CLDN14: variants seen among roughly 807,000 people sequenced by gnomAD.
CLDN14 encodes claudin 14.
A neutral mutation model predicts 2.1 loss-of-function variants in CLDN14; 2 were observed. The ratio of observed to expected loss-of-function variants is 0.96; its 90% CI spans 0.39 to 3.01. The LOEUF (loss-of-function observed/expected upper bound fraction) is 3.01. CLDN14 is among the 30% of genes most tolerant of loss of function. The probability of loss-of-function intolerance (pLI) is 0.09; values close to 1 mark genes in which losing one functional copy is unlikely to be tolerated. For missense variants in CLDN14, 298 were observed against 328.0 expected (o/e 0.91, Z 0.71); for synonymous variants, 136 against 154.4 (o/e 0.88, Z 0.88).
At chr21:36,474,995 G>A (rs2086758561) in intron 1 of CLDN14, among the ~76,000 whole-genome samples, 1 of 152,200 alleles carries the variant, frequency 6.6e-6, no homozygotes, top group South Asian at 2.1e-4. Flanking sequence ...AGGAGGTGCG[G>A]GAGGCTTGAG....
At chr21:36,506,268 T>C (rs2087131731) in intron 2 of CLDN14, among the ~76,000 whole-genome samples, 1 of 152,230 alleles carries the variant, frequency 6.6e-6, no homozygotes, top group Non-Finnish European at 1.5e-5. Flanking sequence ...CAAGTTGAAG[T>C]GCAGTGTGTA....
In CLDN14 at chr21:36,544,532, T is replaced by C. The variant is rs1246311606; in HGVS notation, c.-220+31879A>G. Among the ~76,000 whole-genome samples the C allele has an allele frequency of 6.6e-6, 1 of 152,216 alleles. No individual in the cohort carries two copies. The highest frequency in any genetic ancestry group is 1.5e-5 in the Non-Finnish European group (1 of 68,030). ...TAGGAAGGAGAGGCAAATTTGAGGC[T>C]GGGGAGAATTTGAATTTTCCTGTGC... On this transcript the variant is annotated intron_variant, in intron 1 of 2. Coordinates refer to the CLDN14 transcript ENST00000342108. The surrounding 1 kb of genome is among the most constrained non-coding windows in gnomAD (Gnocchi z 4.1).
At chr21:36,482,636 A>G (rs953343427), upstream of CLDN14, among the ~76,000 whole-genome samples, 1 of 152,186 alleles carries the variant, frequency 6.6e-6, no homozygotes. Context: ...GGTTTGGGTT[A>G]CCGTTTTGGG....
intron 1 of CLDN14, among the ~76,000 whole-genome samples, chr21:36,543,349 G>A (rs977573923): frequency 2.0e-5 from 3 of 152,222 alleles, no homozygotes; most frequent in Non-Finnish European, 4.4e-5. Flanking sequence ...TTGAGTTGGG[G>A]GAGACAGACA....
chr21:36,520,582 G>A (rs1261156004), intron 1 of CLDN14, among the ~76,000 whole-genome samples: 1 of 152,150 alleles, frequency 6.6e-6, no homozygotes, highest in East Asian at 1.9e-4. Context: ...TGATTGTGAG[G>A]CCTCCCAGCC....
chr21:36,486,481 T>C lies in CLDN14; in HGVS notation c.-82+23882A>G, dbSNP rs758929779. ...GCTGAGGATCAGCACTGGGATCTAC[T>C]CCAAATTCAAAGTCACTGGCACCGA... On this transcript the variant is annotated intron_variant, in intron 2 of 2. Coordinates refer to the CLDN14 transcript ENST00000342108. 8.4e-6 allele frequency: 13 copies of C among 1,553,134 alleles called. No individual in the cohort carries two copies. The East Asian group carries it at 2.5e-4, about 30-fold the overall frequency.
intron 1 of CLDN14, among the ~76,000 whole-genome samples, chr21:36,512,985 A>G (rs994557377): frequency 2.6e-5 from 4 of 152,244 alleles, no homozygotes; most frequent in Non-Finnish European, 5.9e-5. Flanking sequence ...CCCTAAAGGT[A>G]AAAATGGTGG....
rs545942493 is a variant in CLDN14 at position 36,525,901 on chromosome 21, A to C, written c.-219-15401T>G. ...AAGACTTGAGAGGCTGAGCGGGAGG[A>C]TTGCTTGGAACGTATGGTCCCTGCC... On this transcript the variant is annotated intron_variant, in intron 1 of 2. Transcript: ENST00000342108. Among the ~76,000 whole-genome samples, 5 of 152,176 alleles carry C rather than the reference A, an allele frequency of 3.3e-5. No individual in the cohort carries two copies. In the South Asian group the frequency reaches 1.0e-3, roughly 32 times the overall value.
chr21:36,553,596 G>T (rs183760767), intron 1 of CLDN14, among the ~76,000 whole-genome samples: 1 of 151,956 alleles, frequency 6.6e-6, no homozygotes, highest in Non-Finnish European at 1.5e-5. Context: ...GAAGGGAGGT[G>T]GTTGGGTGGG....
chr21:36,534,396 C>T (rs1424439801), intron 1 of CLDN14, among the ~76,000 whole-genome samples: 1 of 152,156 alleles, frequency 6.6e-6, no homozygotes, highest in Non-Finnish European at 1.5e-5. Context: ...GGACGATCCC[C>T]CCGTGGGAAC....
intron 2 of CLDN14, among the ~76,000 whole-genome samples, chr21:36,506,288 C>T (rs887583362): frequency 6.6e-6 from 1 of 152,178 alleles, no homozygotes; most frequent in African/African-American, 2.4e-5. Flanking sequence ...ACAGCATGAT[C>T]CTATTTGTGT....
chr21:36,557,845 T>C, intron 1 of CLDN14, among the ~76,000 whole-genome samples: 1 of 152,214 alleles, frequency 6.6e-6, no homozygotes, highest in Non-Finnish European at 1.5e-5. Context: ...GGTTGTCATA[T>C]CCAAAAAATC....
At chr21:36,473,568 G>A (rs969273721) in intron 1 of CLDN14, among the ~76,000 whole-genome samples, 5 of 152,256 alleles carry the variant, frequency 3.3e-5, no homozygotes, top group Admixed American at 6.5e-5. Flanking sequence ...TTCAGTTTGA[G>A]ATGTCTGTGC....
chr21:36,503,962 T>C (rs1019805966), intron 2 of CLDN14, among the ~76,000 whole-genome samples: 2 of 150,604 alleles, frequency 1.3e-5, no homozygotes, highest in Non-Finnish European at 2.9e-5. Flanking sequence ...ATGCCATCAA[T>C]TGTAAGATGT....
At chr21:36,516,921 A>G (rs1601620171) in intron 1 of CLDN14, among the ~76,000 whole-genome samples, 1 of 151,744 alleles carries the variant, frequency 6.6e-6, no homozygotes, top group South Asian at 2.1e-4. Context: ...GCTCACCGCA[A>G]CCTCCGCTTC....
rs2087061437 is a variant in CLDN14, at chr21:36,498,584, C to T, written c.-82+11779G>A. Reference sequence around the variant, plus strand: ...TGTTGTGAGTATAAGCCTCTATAAACTGAGCACTGTTGCAGGCGATGGGGA... The same window carrying T: ...TGTTGTGAGTATAAGCCTCTATAAATTGAGCACTGTTGCAGGCGATGGGGA... On this transcript the variant is annotated intron_variant, in intron 2 of 2. Transcript: ENST00000342108. This position sits in a 1 kb window ranked among gnomAD's most constrained non-coding sequence, Gnocchi z 4.9. Among the ~76,000 whole-genome samples the T allele has an allele frequency of 1.3e-5, 2 of 152,198 alleles. No individual in the cohort carries two copies. The highest frequency in any genetic ancestry group is 2.9e-5 in the Non-Finnish European group (2 of 68,046).
At position 36,461,179 on chromosome 21, in the gene CLDN14, G is replaced by A; in HGVS notation, c.517C>T (p.Leu173Phe). Residue 173 changes from leucine to phenylalanine, a missense_variant, in exon 2 of 2, where the codon CTC becomes TTC. By Grantham distance (22) the Leu-to-Phe change is conservative. Transcript: ENST00000399135. The stretch of plus-strand genomic sequence containing the variant: ...AGCAGGGTGCCACCAATGAGCGAGA[G>A]GGACGAGGAGATGAAGCCCAGGTAC... ...ALYLGFISSS[L>F]SLIGGTLLCL... 6.2e-7 allele frequency: 1 copy of A among 1,613,956 alleles called. No individual in the cohort carries two copies. Among genetic ancestry groups the A allele is most frequent in the South Asian group, 1.1e-5 (1 of 91,088 alleles).
chr21:36,508,060 G>T (rs2087149476), intron 2 of CLDN14, among the ~76,000 whole-genome samples: 1 of 152,210 alleles, frequency 6.6e-6, no homozygotes, highest in Non-Finnish European at 1.5e-5. Flanking sequence ...AGCTGGGGAA[G>T]GAGATTGTCT....
At chr21:36,531,201 C>T (rs1443798410) in intron 1 of CLDN14, among the ~76,000 whole-genome samples, 1 of 151,954 alleles carries the variant, frequency 6.6e-6, no homozygotes, top group African/African-American at 2.4e-5. Context: ...GCACTCCAGC[C>T]TGGGTGAAGA....
Sources: allele counts gnomAD v4.1 joint callset (sites outside exome capture counted in the v4.1 genomes callset), GRCh38; gene constraint gnomAD v4.1.1; non-coding constraint Gnocchi (gnomAD v3.1); transcripts MANE v1.5; gene names NCBI Gene and HGNC (gene_info 2026-07-23, HGNC 2026-07-21).